SORCS1: variants seen among roughly 807,000 people sequenced by gnomAD.
The protein encoded by SORCS1 is VPS10 domain-containing receptor SorCS1.
A neutral mutation model predicts 146.1 loss-of-function variants in SORCS1; 60 were observed. The observed-to-expected ratio is 0.41, with a 90% confidence interval of 0.33 to 0.51. SORCS1 has a LOEUF of 0.51. SORCS1 is among the 20% of genes least tolerant of loss of function. The probability of loss-of-function intolerance (pLI) is 0.21; values close to 1 mark genes in which losing one functional copy is unlikely to be tolerated. For synonymous variants in SORCS1, 637 were observed against 584.0 expected, an observed-to-expected ratio of 1.09 and a Z score of -1.31; for missense variants, 1,352 against 1,487.6, an observed-to-expected ratio of 0.91 and a Z score of 1.50.
intron 2 of SORCS1, among the ~76,000 whole-genome samples, chr10:106,835,464 A>G (rs566385353): frequency 6.6e-6 from 1 of 152,320 alleles, no homozygotes; most frequent in South Asian, 2.1e-4. Flanking sequence ...TGAAAACCCC[A>G]ACCACTGAAA....
chr10:106,699,148 T>C (rs565668233), intron 9 of SORCS1, 66 bp downstream of exon 9: 97 of 1,420,908 alleles, frequency 6.8e-5, no homozygotes, highest in Non-Finnish European at 8.9e-5. Context: ...AAAGAGTCCA[T>C]GCGGGGCTTC....
chr10:106,951,435 C>T (rs1431210099), intron 2 of SORCS1, among the ~76,000 whole-genome samples: 1 of 151,296 alleles, frequency 6.6e-6, no homozygotes, highest in Non-Finnish European at 1.5e-5. Context: ...GCGGGTGAAC[C>T]CAGGAGGCAG....
intron 1 of SORCS1, among the ~76,000 whole-genome samples, chr10:107,100,825 T>C (rs1375949512): frequency 2.0e-5 from 3 of 152,178 alleles, no homozygotes; most frequent in African/African-American, 2.4e-5. Flanking sequence ...ATTCTTAATG[T>C]TACTTTACAC....
chr10:107,143,559 A>G (rs1968027193), intron 1 of SORCS1, among the ~76,000 whole-genome samples: 1 of 152,116 alleles, frequency 6.6e-6, no homozygotes, highest in Non-Finnish European at 1.5e-5. Context: ...GCTGGAGTGT[A>G]GTGGCTAGAT....
chr10:106,762,536 G>A (rs1420108734), intron 4 of SORCS1, among the ~76,000 whole-genome samples: 3 of 151,260 alleles, frequency 2.0e-5, no homozygotes, highest in South Asian at 2.1e-4. Context: ...GGGACTACAG[G>A]TGCCTGCCAC....
intron 1 of SORCS1, among the ~76,000 whole-genome samples, chr10:106,996,101 A>G (rs1007533338): frequency 3.9e-5 from 6 of 151,916 alleles, no homozygotes; most frequent in African/African-American, 1.5e-4. Flanking sequence ...TTAGCCAGGC[A>G]TGGTGGCCTG....
chr10:106,783,281 A>C (rs762779488), intron 3 of SORCS1, among the ~76,000 whole-genome samples: 3 of 152,218 alleles, frequency 2.0e-5, no homozygotes, highest in Non-Finnish European at 2.9e-5. Context: ...CATTATGTCC[A>C]TTTGATATCG....
At chr10:107,039,228 C>T (rs951720971) in intron 1 of SORCS1, among the ~76,000 whole-genome samples, 46 of 149,660 alleles carry the variant, frequency 3.1e-4, no homozygotes, top group African/African-American at 1.1e-3. Context: ...CTTGGGAGGC[C>T]GAGGCAGGAA....
chr10:107,043,446 T>C (rs1460230557), intron 1 of SORCS1, among the ~76,000 whole-genome samples: 1 of 152,176 alleles, frequency 6.6e-6, no homozygotes, highest in Non-Finnish European at 1.5e-5. Context: ...TGTGGAGATA[T>C]AAGGGAAACA....
At position 107,151,059 on chromosome 10, in the gene SORCS1, A is replaced by G. The variant is rs531431308; in HGVS notation, c.558+12910T>C. Among the ~76,000 whole-genome samples, 54 of 152,352 alleles carry G rather than the reference A, an allele frequency of 3.5e-4. No individual in the cohort carries two copies. The Middle Eastern group carries it at 0.01, about 29-fold the overall frequency. ...ACAACTTTGGAACTGGGTAGCAGGC[A>G]GAGGCTGGAACAGTTTGGAGGGCTC... On this transcript the variant is annotated intron_variant, in intron 1 of 25. Transcript: ENST00000263054.
intron 2 of SORCS1, among the ~76,000 whole-genome samples, chr10:106,909,985 T>C (rs933207820): frequency 2.0e-5 from 3 of 152,170 alleles, no homozygotes; most frequent in African/African-American, 4.8e-5. Context: ...AAAAGCTATA[T>C]AGCAATTTTC....
chr10:106,710,642 C>T (rs1854913225), intron 6 of SORCS1, among the ~76,000 whole-genome samples: 1 of 152,066 alleles, frequency 6.6e-6, no homozygotes, highest in Admixed American at 6.6e-5. Context: ...GCACACTATC[C>T]TGGCCTCTAT....
At chr10:107,096,293 G>A (rs1393243843) in intron 1 of SORCS1, among the ~76,000 whole-genome samples, 1 of 152,166 alleles carries the variant, frequency 6.6e-6, no homozygotes, top group East Asian at 1.9e-4. Context: ...GTTTTAAAAG[G>A]TAAAAGGGAC....
chr10:106,835,124 C>G (rs184652301), intron 2 of SORCS1, among the ~76,000 whole-genome samples: 2 of 152,300 alleles, frequency 1.3e-5, no homozygotes, highest in African/African-American at 4.8e-5. Flanking sequence ...GCATCCCACC[C>G]GCCTTCCAAG....
intron 16 of SORCS1, among the ~76,000 whole-genome samples, chr10:106,670,469 A>C (rs1851504512): frequency 6.6e-6 from 1 of 152,222 alleles, no homozygotes; most frequent in Non-Finnish European, 1.5e-5. Context: ...CCTTGCTCTG[A>C]GTTCAGCAAC....
chr10:106,928,045 C>G (rs1189967252), intron 2 of SORCS1, among the ~76,000 whole-genome samples: 2 of 152,260 alleles, frequency 1.3e-5, no homozygotes, highest in African/African-American at 4.8e-5. Flanking sequence ...TGGCTTCACC[C>G]AGTGGATCCC....
chr10:106,603,663 G>C (rs1846388547), intron 23 of SORCS1, among the ~76,000 whole-genome samples: 1 of 152,178 alleles, frequency 6.6e-6, no homozygotes, highest in Admixed American at 6.5e-5. Flanking sequence ...CGTGAAATGA[G>C]GGGATAAGGA....
chr10:106,861,148 A>C (rs1443972501), intron 2 of SORCS1, among the ~76,000 whole-genome samples: 1 of 152,210 alleles, frequency 6.6e-6, no homozygotes, highest in Non-Finnish European at 1.5e-5. Flanking sequence ...CTGTAATCCC[A>C]GCACTTTGGG....
chr10:106,836,099 A>G (rs1948769795), intron 2 of SORCS1, among the ~76,000 whole-genome samples: 1 of 152,154 alleles, frequency 6.6e-6, no homozygotes, highest in African/African-American at 2.4e-5. Flanking sequence ...GTAGAATCCT[A>G]TGAGATGGAC....
Sources: gnomAD v4.1 joint callset for allele counts (sites outside exome capture counted in the v4.1 genomes callset) on GRCh38, gnomAD v4.1.1 for gene constraint, MANE v1.5 for transcripts, NCBI Gene and HGNC (gene_info 2026-07-23, HGNC 2026-07-21) for gene names.